RANBP2: variants seen among roughly 807,000 people sequenced by gnomAD.
RANBP2 encodes the protein RAN binding protein 2.
In RANBP2, 57 loss-of-function variants were observed where a neutral mutation model predicts 303.6. The observed-to-expected ratio is 0.19, with a 90% CI of 0.15 to 0.23. RANBP2 has a LOEUF of 0.23. RANBP2 is among the 10% of genes least tolerant of loss of function. The probability of loss-of-function intolerance (pLI) is 1.00; values close to 1 mark genes in which losing one functional copy is unlikely to be tolerated. For missense variants in RANBP2, 3,138 were observed against 3,780.8 expected (o/e 0.83, Z 4.46); for synonymous variants, 1,167 against 1,301.5 (o/e 0.90, Z 2.23).
At chr2:109,625,087 C>CAAAAAAAAA in the RANBP2 span, among the ~76,000 whole-genome samples, 102 of 59,776 alleles carry the variant, frequency 1.7e-3, no homozygotes, top group Non-Finnish European at 2.3e-3. Context: ...ACAACAACAA[C>CAAAAAAAAA]AAAAAAAAAA....
chr2:109,293,985 G>C, the RANBP2 span, among the ~76,000 whole-genome samples: 5 of 152,288 alleles, frequency 3.3e-5, no homozygotes, highest in South Asian at 1.0e-3. Flanking sequence ...TAGCATCCAG[G>C]GGGCAGTGCT....
At chr2:109,460,173 C>T in the RANBP2 span, among the ~76,000 whole-genome samples, 9 of 152,158 alleles carry the variant, frequency 5.9e-5, no homozygotes, top group African/African-American at 1.2e-4. Flanking sequence ...TGTGGAATAC[C>T]GTGATGGTGG....
chr2:109,423,237 C>T, the RANBP2 span, among the ~76,000 whole-genome samples: 3 of 152,072 alleles, frequency 2.0e-5, no homozygotes, highest in Non-Finnish European at 2.9e-5. Flanking sequence ...CCAGGGGAAT[C>T]GTGGCCAGCG....
chr2:109,361,762 A>C, the RANBP2 span, among the ~76,000 whole-genome samples: 12 of 152,200 alleles, frequency 7.9e-5, no homozygotes, highest in African/African-American at 2.9e-4. Flanking sequence ...TCTTTAATAG[A>C]TAAAGGCCTA....
At chr2:108,830,640 C>T in the RANBP2 span, among the ~76,000 whole-genome samples, 1 of 151,294 alleles carries the variant, frequency 6.6e-6, no homozygotes, top group Admixed American at 6.6e-5. Context: ...AACTCTGTCT[C>T]TACTAAAAAA....
At chr2:108,748,687 CCTGT>C (rs1456678697) in intron 8 of RANBP2, among the ~76,000 whole-genome samples, 1 of 152,108 alleles carries the variant, frequency 6.6e-6, no homozygotes, top group Non-Finnish European at 1.5e-5. Flanking sequence ...CATACACATT[CCTGT>C]CTTTTTTCCC....
chr2:109,416,190 C>T, the RANBP2 span, among the ~76,000 whole-genome samples: 2 of 152,220 alleles, frequency 1.3e-5, no homozygotes, highest in Admixed American at 6.5e-5. Context: ...CATTCCCTAA[C>T]AAGACTGCCT....
chr2:108,837,871 T>TA, the RANBP2 span, among the ~76,000 whole-genome samples: 1 of 152,160 alleles, frequency 6.6e-6, no homozygotes, highest in Non-Finnish European at 1.5e-5. Context: ...TTTTATTCCA[T>TA]AAAAATACTA....
At chr2:109,641,571 T>C in the RANBP2 span, among the ~76,000 whole-genome samples, 1 of 152,240 alleles carries the variant, frequency 6.6e-6, no homozygotes, top group Admixed American at 6.5e-5. Context: ...AGTACAATGA[T>C]GGTTTCCAGG....
At chr2:109,493,899 TCTC>T in the RANBP2 span, among the ~76,000 whole-genome samples, 83 of 152,188 alleles carry the variant, frequency 5.5e-4, no homozygotes, top group African/African-American at 2.0e-3. Context: ...TCTTTCCTTC[TCTC>T]CTCCTCCTCC....
At chr2:109,506,239 C>T in the RANBP2 span, among the ~76,000 whole-genome samples, 4 of 152,208 alleles carry the variant, frequency 2.6e-5, no homozygotes, top group African/African-American at 9.6e-5. Flanking sequence ...GTTGGTATCC[C>T]TGCCTCTAAC....
chr2:108,978,165 G>C, the RANBP2 span, among the ~76,000 whole-genome samples: 4 of 152,342 alleles, frequency 2.6e-5, no homozygotes, highest in East Asian at 7.7e-4. Context: ...CCAAGTACAG[G>C]GCCTGCTGAG....
At chr2:108,892,339 A>G in the RANBP2 span, among the ~76,000 whole-genome samples, 1 of 152,140 alleles carries the variant, frequency 6.6e-6, no homozygotes, top group African/African-American at 2.4e-5. Flanking sequence ...CCCTTTCAGC[A>G]TCCTAATTTC....
intron 21 of RANBP2, 32 bp downstream of exon 21, chr2:108,771,903 T>C (rs1159444584): frequency 6.2e-7 from 1 of 1,613,116 alleles, no homozygotes; most frequent in Non-Finnish European, 8.5e-7. Context: ...AAATCCTCTG[T>C]TCCCGCTAAT....
At chr2:109,529,038 G>A in the RANBP2 span, among the ~76,000 whole-genome samples, 1 of 152,202 alleles carries the variant, frequency 6.6e-6, no homozygotes, top group African/African-American at 2.4e-5. Flanking sequence ...GTGCTGAGTT[G>A]GCGGAGATTT....
At chr2:109,501,705 G>A in the RANBP2 span, 1 of 728,008 alleles carries the variant, frequency 1.4e-6, no homozygotes, top group African/African-American at 1.7e-5. Flanking sequence ...CTCACAGAGG[G>A]GGAGGCCGCC....
chr2:109,176,373 G>T, the RANBP2 span, among the ~76,000 whole-genome samples: 3 of 151,834 alleles, frequency 2.0e-5, no homozygotes, highest in Admixed American at 6.5e-5. Flanking sequence ...TACTCTGAGA[G>T]AACACCATGT....
the RANBP2 span, among the ~76,000 whole-genome samples, chr2:109,184,143 C>T: frequency 6.6e-6 from 1 of 152,154 alleles, no homozygotes; most frequent in South Asian, 2.1e-4. Flanking sequence ...CAAGGCACTG[C>T]CCCAGTTGCC....
the RANBP2 span, chr2:108,894,532 CAA>C: frequency 6.6e-6 from 1 of 152,190 alleles, no homozygotes; most frequent in Non-Finnish European, 1.5e-5. Context: ...CAGAATTAGA[CAA>C]AAATAATATT....
Sources: gnomAD v4.1 joint callset for allele counts (sites outside exome capture counted in the v4.1 genomes callset) on GRCh38, gnomAD v4.1.1 for gene constraint, MANE v1.5 for transcripts, NCBI Gene and HGNC (gene_info 2026-07-23, HGNC 2026-07-21) for gene names.